Variants in STOX2 observed in about 807,000 individuals in gnomAD.
The protein encoded by STOX2 is storkhead-box protein 2.
Under a neutral mutation model 60.9 loss-of-function variants are expected in STOX2, and 28 were observed. That is an observed-to-expected ratio of 0.46 (90% CI 0.34 to 0.63). STOX2 has a LOEUF of 0.63. Ranked by LOEUF, STOX2 falls within the 30% of genes least tolerant of loss-of-function variation. The pLI, the probability that STOX2 is intolerant of heterozygous loss-of-function variation, is 0.01. For synonymous variants in STOX2, 472 were observed against 463.9 expected, an observed-to-expected ratio of 1.02 and a Z score of -0.22; for missense variants, 1,024 against 1,187.7, an observed-to-expected ratio of 0.86 and a Z score of 2.03.
At chr4:183,902,796 C>A (rs1193474280), upstream of STOX2, among the ~76,000 whole-genome samples, 1 of 152,196 alleles carries the variant, frequency 6.6e-6, no homozygotes, top group African/African-American at 2.4e-5. Context: ...AATTACTACA[C>A]CACCCATACC....
At chr4:183,803,386 A>G (rs1013810134) in intron 1 of STOX2, among the ~76,000 whole-genome samples, 1 of 151,468 alleles carries the variant, frequency 6.6e-6, no homozygotes, top group Non-Finnish European at 1.5e-5. Context: ...TAGAATTATT[A>G]AAAAAAAATG....
chr4:184,015,549 C>T (rs1000071711), intron 3 of STOX2: 2 of 152,046 alleles, frequency 1.3e-5, no homozygotes, highest in Non-Finnish European at 2.9e-5. Context: ...AACAAACTGC[C>T]TTTTAAACAA....
At chr4:183,949,794 G>C (rs1743014920) in intron 1 of STOX2, among the ~76,000 whole-genome samples, 1 of 152,030 alleles carries the variant, frequency 6.6e-6, no homozygotes, top group Non-Finnish European at 1.5e-5. Flanking sequence ...ATATTTTTTT[G>C]AGTGCTTGTT....
Position 183,876,666 on chromosome 4 carries a change from C to T in STOX2, c.364+78611C>T, listed in dbSNP as rs563652636. On this transcript the variant is annotated intron_variant, in intron 1 of 2. Coordinates refer to the STOX2 transcript ENST00000513034. Reference sequence around the variant, plus strand: ...GAGCTGTCAGTAGTTCTCATTGTCCCGTAGGGGACCCAGCACCTCCCCTCC... The same window carrying T: ...GAGCTGTCAGTAGTTCTCATTGTCCTGTAGGGGACCCAGCACCTCCCCTCC... 5.3e-5 allele frequency among the ~76,000 whole-genome samples: 8 copies of T among 152,314 alleles called. No homozygotes were observed. In the East Asian group the frequency reaches 1.4e-3, roughly 26 times the overall value.
chr4:183,882,833 C>T (rs1187218645), intron 1 of STOX2, among the ~76,000 whole-genome samples: 1 of 152,128 alleles, frequency 6.6e-6, no homozygotes, highest in African/African-American at 2.4e-5. Context: ...GTGGCAAAGC[C>T]GGGGCTAGAA....
At position 183,826,322 on chromosome 4, in the gene STOX2, C is replaced by T. The variant is rs1028399691; in HGVS notation, c.364+28267C>T. On this transcript the variant is annotated intron_variant, in intron 1 of 2. Coordinates refer to the STOX2 transcript ENST00000513034. ...TCCATGGTTTCCCTGAGCCTTGCCC[C>T]TCACCGTCCTCATCAGCGAACCTGT... Among the ~76,000 whole-genome samples the T allele has an allele frequency of 3.9e-5, 6 of 152,254 alleles. 1 individual carries two copies. The South Asian group carries it at 1.2e-3, about 32-fold the overall frequency.
At chr4:183,829,404 C>T (rs903782810) in intron 1 of STOX2, among the ~76,000 whole-genome samples, 4 of 152,146 alleles carry the variant, frequency 2.6e-5, no homozygotes, top group Non-Finnish European at 5.9e-5. Context: ...CTTCTAGTCC[C>T]TTGTCATTTG....
intron 1 of STOX2, among the ~76,000 whole-genome samples, chr4:183,830,592 C>G (rs1007685910): frequency 6.6e-6 from 1 of 152,170 alleles, no homozygotes; most frequent in African/African-American, 2.4e-5. Context: ...CTGGTCTGGC[C>G]TGGCTAGTAG....
intron 1 of STOX2, among the ~76,000 whole-genome samples, chr4:183,835,039 A>G (rs1189483626): frequency 1.3e-5 from 2 of 152,102 alleles, no homozygotes; most frequent in Non-Finnish European, 2.9e-5. Context: ...GAGAGGAAAC[A>G]TAGTGTCTTG....
rs376092212 is a variant in STOX2 at position 184,011,199 on chromosome 4, C to T, written c.2361C>T (p.Asn787=). The change falls in exon 3 of 4, where the codon AAC becomes AAT. Residue 787 remains asparagine (N), a synonymous_variant. Transcript: ENST00000308497. This position sits in a 1 kb window ranked among gnomAD's most constrained non-coding sequence, Gnocchi z 4.4. ...ATGACGACTCTGAGGAAGGGGCAAA[C>T]AAGAACACAGAGGAGGAGAAAAATA... ...SDDDDSEEGA[N]KNTEEEKNRE... is the part of the protein sequence containing the mutation. The T allele has an allele frequency of 3.1e-6, 5 of 1,601,682 alleles. No homozygotes were observed. In the South Asian group the frequency reaches 3.4e-5, roughly 11 times the overall value.
rs545150948 is a variant in STOX2 at position 183,807,458 on chromosome 4, T to G, written c.364+9403T>G. Among the ~76,000 whole-genome samples the G allele has an allele frequency of 1.8e-4, 26 of 145,086 alleles. No individual in the cohort carries two copies. The South Asian group carries it at 4.5e-3, about 25-fold the overall frequency. ...AGTCCTTGCAAACCACCTGTCAGCC[T>G]AAGGCGCCAGTGAGCCTGCCCGAGC... On this transcript the variant is annotated intron_variant, in intron 1 of 2. Coordinates refer to the STOX2 transcript ENST00000513034.
rs1379967007 is a variant in STOX2 at position 184,017,881 on chromosome 4, A to G, written c.*597A>G. The G allele has an allele frequency of 6.6e-6, 1 of 152,202 alleles. No homozygotes were observed. The highest frequency in any genetic ancestry group is 2.4e-5 in the African/African-American group (1 of 41,448). 9.4% of individuals were successfully genotyped at this position (152,202 alleles called of 1,614,324 possible). On this transcript the variant is annotated 3_prime_UTR_variant, in exon 4 of 4. Transcript: ENST00000308497. ...TCATTTTTCACTGTGAGTTTTCGTG[A>G]CACTATTTTGCAGGAGCCCATGGAA...
chr4:183,866,207 T>C (rs1422839209), intron 1 of STOX2, among the ~76,000 whole-genome samples: 1 of 152,150 alleles, frequency 6.6e-6, no homozygotes, highest in Non-Finnish European at 1.5e-5. Flanking sequence ...CCTCTGCCCC[T>C]TCTCTTATAT....
intron 1 of STOX2, among the ~76,000 whole-genome samples, chr4:183,933,643 C>T (rs1742504876): frequency 6.6e-6 from 1 of 152,162 alleles, no homozygotes; most frequent in African/African-American, 2.4e-5. Context: ...CCCGCCTCAT[C>T]CTCCCAAAGT....
At chr4:183,982,673 T>C (rs1732698888) in intron 1 of STOX2, among the ~76,000 whole-genome samples, 1 of 152,230 alleles carries the variant, frequency 6.6e-6, no homozygotes, top group Non-Finnish European at 1.5e-5. Context: ...TTCGATAGAT[T>C]CTGGGGAGGT....
At chr4:183,881,783 T>A (rs1740965650) in intron 1 of STOX2, among the ~76,000 whole-genome samples, 1 of 152,236 alleles carries the variant, frequency 6.6e-6, no homozygotes, top group Admixed American at 6.5e-5. Context: ...AGACTTTTCA[T>A]CTGATTTCAT....
chr4:183,840,171 T>G (rs1341757635), intron 1 of STOX2, among the ~76,000 whole-genome samples: 1 of 152,226 alleles, frequency 6.6e-6, no homozygotes, highest in African/African-American at 2.4e-5. Flanking sequence ...ATGTAACTTT[T>G]GGAATCAAGT....
At chr4:183,870,673 A>G (rs1298704218) in intron 1 of STOX2, among the ~76,000 whole-genome samples, 2 of 152,196 alleles carry the variant, frequency 1.3e-5, no homozygotes, top group Non-Finnish European at 2.9e-5. Context: ...CAAATTTAAA[A>G]CATGTTCTTT....
intron 1 of STOX2, among the ~76,000 whole-genome samples, chr4:183,948,374 A>G (rs539803010): frequency 6.6e-6 from 1 of 151,932 alleles, no homozygotes; most frequent in Admixed American, 6.6e-5. Flanking sequence ...GATACATAGC[A>G]TCTTAAAATT....
Sources: allele counts gnomAD v4.1 joint callset (sites outside exome capture counted in the v4.1 genomes callset), GRCh38; gene constraint gnomAD v4.1.1; non-coding constraint Gnocchi (gnomAD v3.1); transcripts MANE v1.5; gene names NCBI Gene and HGNC (gene_info 2026-07-23, HGNC 2026-07-21).